STXBP4: variants seen among roughly 807,000 people sequenced by gnomAD.
The protein encoded by STXBP4 is syntaxin-binding protein 4.
STXBP4 carries 55 observed loss-of-function variants against 76.1 expected under a neutral mutation model. That is an observed-to-expected ratio of 0.72 (90% CI 0.58 to 0.91). The LOEUF is 0.91. Among genes scored for constraint, STXBP4 ranks in the 40% least tolerant of loss-of-function variants. STXBP4 has a pLI of 0.00. For missense variants in STXBP4, 618 were observed against 636.9 expected (o/e 0.97, Z 0.32); for synonymous variants, 201 against 220.2 (o/e 0.91, Z 0.77).
the STXBP4 span, among the ~76,000 whole-genome samples, chr17:55,178,975 G>A: frequency 6.6e-6 from 1 of 151,970 alleles, no homozygotes; most frequent in Non-Finnish European, 1.5e-5. Flanking sequence ...AGGATATCTG[G>A]GCACTCTGTG....
intron 16 of STXBP4, among the ~76,000 whole-genome samples, chr17:55,099,003 G>A (rs928021451): frequency 3.9e-5 from 6 of 152,110 alleles, no homozygotes; most frequent in Non-Finnish European, 7.3e-5. Context: ...ATATTTAACA[G>A]ATGAATGTTG....
At chr17:55,185,189 T>TTCTTC in the STXBP4 span, among the ~76,000 whole-genome samples, 2 of 87,732 alleles carry the variant, frequency 2.3e-5, no homozygotes, top group African/African-American at 8.4e-5. Context: ...TCTTCTTCTT[T>TTCTTC]TTCTTCTTCT....
chr17:55,043,492 TA>T, intron 11 of STXBP4, 167 bp downstream of exon 11: 1 of 880,986 alleles, frequency 1.1e-6, no homozygotes, highest in Admixed American at 3.2e-5. Context: ...TTTAGAGAAT[TA>T]ATTTTTGGTC....
chr17:55,200,640 C>T, the STXBP4 span, among the ~76,000 whole-genome samples: 1 of 152,164 alleles, frequency 6.6e-6, no homozygotes, highest in South Asian at 2.1e-4. Flanking sequence ...CTGGTCTTTC[C>T]TCACCCTACC....
intron 3 of STXBP4, 54 bp downstream of exon 3, chr17:54,986,320 T>A (rs2077626092): frequency 1.5e-6 from 2 of 1,364,852 alleles, no homozygotes; most frequent in South Asian, 2.5e-5. Flanking sequence ...TGTAAACTAT[T>A]AATGAACATT....
chr17:55,070,098 G>A (rs1346411087), intron 12 of STXBP4, among the ~76,000 whole-genome samples: 1 of 152,128 alleles, frequency 6.6e-6, no homozygotes, highest in Non-Finnish European at 1.5e-5. Flanking sequence ...TAGTTGGCAA[G>A]GTAGTACAGC....
chr17:55,078,657 A>G (rs2079218734), intron 14 of STXBP4, 29 bp from the exon 15 acceptor site: 6 of 1,401,226 alleles, frequency 4.3e-6, no homozygotes, highest in Non-Finnish European at 6.0e-6. Flanking sequence ...AAACTGATAT[A>G]TCTCCTTCAC....
intron 12 of STXBP4, among the ~76,000 whole-genome samples, chr17:55,058,625 T>TTA (rs1254258477): frequency 2.0e-5 from 3 of 152,206 alleles, no homozygotes; most frequent in Non-Finnish European, 4.4e-5. Flanking sequence ...GTCTCTTGCA[T>TTA]GATATGGCCC....
chr17:55,190,336 T>C, the STXBP4 span, among the ~76,000 whole-genome samples: 1 of 152,078 alleles, frequency 6.6e-6, no homozygotes, highest in Non-Finnish European at 1.5e-5. Context: ...CAGGGAAGCA[T>C]AGGGGTGCAC....
intron 10 of STXBP4, among the ~76,000 whole-genome samples, chr17:55,041,464 A>T (rs1210379551): frequency 6.6e-6 from 1 of 151,992 alleles, no homozygotes; most frequent in Non-Finnish European, 1.5e-5. Context: ...GCAATCCTCC[A>T]GCCTCGGCCT....
Position 54,986,255 on chromosome 17 carries a change from T to G in STXBP4, c.36T>G (p.Ser12Arg). The G allele has an allele frequency of 6.3e-7, 1 of 1,597,476 alleles. No homozygotes were observed. Among genetic ancestry groups the G allele is most frequent in the Non-Finnish European group, 8.5e-7 (1 of 1,172,180 alleles). The change falls in exon 3 of 18, where the codon AGT (serine) becomes AGG (arginine). Residue 12 changes from serine to arginine, a missense_variant. Transcript: ENST00000376352. ...ATACATCTACTGTAGTATCACCCAG[T>G]CTACTTGAAAAGTAATTTTTAAGTT... ...NKNTSTVVSPSLLEKDPAFQM... is the reference protein window; with the variant it reads ...NKNTSTVVSPRLLEKDPAFQM...
intron 16 of STXBP4, among the ~76,000 whole-genome samples, chr17:55,113,497 T>C (rs997497872): frequency 6.6e-6 from 1 of 152,154 alleles, no homozygotes; most frequent in Non-Finnish European, 1.5e-5. Flanking sequence ...TGTGACTTTC[T>C]AGTGAGATGT....
downstream of STXBP4, among the ~76,000 whole-genome samples, chr17:55,176,440 A>T (rs1350115060): frequency 6.6e-6 from 1 of 152,144 alleles, no homozygotes; most frequent in Non-Finnish European, 1.5e-5. Flanking sequence ...TAACCATGTA[A>T]ACAGAGCACA....
chr17:55,029,883 A>G (rs973555188), intron 8 of STXBP4, among the ~76,000 whole-genome samples: 9 of 152,132 alleles, frequency 5.9e-5, no homozygotes, highest in African/African-American at 1.9e-4. Flanking sequence ...TGGCTGACAA[A>G]TAGTAGGCAC....
intron 16 of STXBP4, among the ~76,000 whole-genome samples, chr17:55,127,471 A>G (rs2079925182): frequency 6.6e-6 from 1 of 152,192 alleles, no homozygotes; most frequent in Non-Finnish European, 1.5e-5. Flanking sequence ...GAAAACATGG[A>G]TTGACATATG....
chr17:55,111,896 GT>G (rs2079723303), intron 16 of STXBP4, among the ~76,000 whole-genome samples: 29 of 38,736 alleles, frequency 7.5e-4, no homozygotes, highest in African/African-American at 5.1e-3. Flanking sequence ...TTTATTCAGG[GT>G]TTGTTTGTTT....
At chr17:55,144,529 A>G (rs893133886) in intron 17 of STXBP4, among the ~76,000 whole-genome samples, 3 of 152,196 alleles carry the variant, frequency 2.0e-5, no homozygotes, top group African/African-American at 7.2e-5. Context: ...CACAGCTGTC[A>G]TCTCTTGCTT....
At chr17:55,100,168 G>C (rs968776379) in intron 16 of STXBP4, among the ~76,000 whole-genome samples, 1 of 152,154 alleles carries the variant, frequency 6.6e-6, no homozygotes, top group African/African-American at 2.4e-5. Flanking sequence ...TTTATTATCT[G>C]CTGGAATTGT....
chr17:55,078,875 T>C (rs1023967280), intron 15 of STXBP4, 140 bp downstream of exon 15: 2 of 624,232 alleles, frequency 3.2e-6, no homozygotes, highest in Non-Finnish European at 5.7e-6. Flanking sequence ...CATATGGAAA[T>C]AGATGCAAGG....
Sources: allele counts gnomAD v4.1 joint callset (sites outside exome capture counted in the v4.1 genomes callset), GRCh38; gene constraint gnomAD v4.1.1; transcripts MANE v1.5; gene names NCBI Gene and HGNC (gene_info 2026-07-23, HGNC 2026-07-21).